SPEG: variants seen among roughly 807,000 people sequenced by gnomAD.
SPEG encodes the protein striated muscle preferentially expressed protein kinase.
SPEG carries 114 observed loss-of-function variants against 300.4 expected under a neutral mutation model. The ratio of observed to expected loss-of-function variants is 0.38; its 90% CI spans 0.33 to 0.44. The LOEUF (loss-of-function observed/expected upper bound fraction) is 0.44. Ranked by LOEUF, SPEG falls within the 20% of genes least tolerant of loss-of-function variation. The pLI is 1.00. For missense variants in SPEG, 4,201 were observed against 4,586.2 expected (o/e 0.92, Z 2.43); for synonymous variants, 1,964 against 2,018.9 (o/e 0.97, Z 0.73).
intron 28 of SPEG, chr2:219,482,415 T>A (rs1485037299): frequency 1.3e-5 from 3 of 228,732 alleles, no homozygotes; most frequent in Non-Finnish European, 1.7e-5. Context: ...TGGCCCTACA[T>A]GGAGACAGAG....
rs530210298 is a variant in SPEG at position 219,472,042 on chromosome 2, C to T, written c.3835+55C>T. The T allele has an allele frequency of 1.4e-4, 229 of 1,597,756 alleles. 7 individuals are homozygous for T. In the South Asian group the frequency reaches 2.1e-3, roughly 15 times the overall value. On this transcript the variant is annotated intron_variant, in intron 14 of 40. Coordinates refer to ENST00000312358, the MANE Select transcript of SPEG (RefSeq NM_005876.5). The stretch of plus-strand genomic sequence containing the variant: ...ACGCACAGCCTGGCCTCTGGCACTA[C>T]GTGGGGGCTCAGGGAAAGGGGCCTC...
rs186290441 is a variant in SPEG at position 219,493,432 on chromosome 2, C to A, written c.*646C>A. The A allele has an allele frequency of 1.2e-5, 5 of 408,420 alleles. No homozygotes were observed. Among genetic ancestry groups the A allele is most frequent in the African/African-American group, 2.0e-5 (1 of 49,160 alleles). 25.3% of individuals were successfully genotyped at this position (408,420 alleles called of 1,614,324 possible). On this transcript the variant is annotated 3_prime_UTR_variant, in exon 41 of 41. Coordinates refer to ENST00000312358, the MANE Select transcript of SPEG (RefSeq NM_005876.5). ...CCTGTCCAGTGGATACAGCCCTGGG[C>A]GCTCTGCTGGCCCAAGGATGTCCCC...
intron 6 of SPEG, chr2:219,461,630 C>A: frequency 1.1e-6 from 1 of 940,468 alleles, no homozygotes; most frequent in Non-Finnish European, 1.5e-6. Context: ...TTGCCCCAGG[C>A]CTTTCCCTAT....
At chr2:219,453,611 A>G (rs1449769273) in intron 6 of SPEG, among the ~76,000 whole-genome samples, 1 of 152,160 alleles carries the variant, frequency 6.6e-6, no homozygotes, top group Admixed American at 6.5e-5. Context: ...AGCTCATCAC[A>G]GCATCTCGGC....
At chr2:219,467,642 C>T (rs1477615622) in intron 10 of SPEG, among the ~76,000 whole-genome samples, 1 of 152,238 alleles carries the variant, frequency 6.6e-6, no homozygotes, top group Non-Finnish European at 1.5e-5. Flanking sequence ...ACAGGGTTAA[C>T]TGTTCCTAGG....
chr2:219,461,892 A>G lies in SPEG; in HGVS notation c.2451A>G (p.Thr817=). Residue 817 remains threonine (T), a synonymous_variant, in exon 7 of 41, where the codon ACA becomes ACG. Transcript: ENST00000312358. ...TCTGTCTCTCTCCAGGTGGGTCTAC[A>G]TCCCCTTTCAGCAGCCCCATCACCT... The part of the protein sequence containing the change: ...ASLTVRPGGS[T]SPFSSPITSD... 6.2e-7 allele frequency: 1 copy of G among 1,613,750 alleles called. No homozygotes were observed. The highest frequency in any genetic ancestry group is 8.5e-7 in the Non-Finnish European group (1 of 1,179,852).
chr2:219,462,184 C>A, intron 7 of SPEG, 114 bp from the exon 8 acceptor site: 2 of 1,201,684 alleles, frequency 1.7e-6, no homozygotes, highest in African/African-American at 3.0e-5. Flanking sequence ...AACCCTCTTA[C>A]CCAGAGCCAG....
rs377353278 is a variant in SPEG at position 219,467,200 on chromosome 2, G to A, written c.2908G>A (p.Val970Met). The A allele has an allele frequency of 2.3e-5, 37 of 1,589,522 alleles. No homozygotes were observed. Among genetic ancestry groups the A allele is most frequent in the African/African-American group, 4.0e-5 (3 of 74,708 alleles). The change falls in exon 10 of 41, where the codon GTG (valine) becomes ATG (methionine). Residue 970 changes from valine to methionine, a missense_variant. Transcript: ENST00000312358. ...RAHPESRSLA[V>M]LAPLQDVDVG... is the part of the protein sequence containing the mutation. ...ACACCCTGAAAGCCGGTCCCTGGCC[G>A]TGCTGGCCCCCCTGCAGGACGTGGA...
rs1352229233 is a variant in SPEG, at chr2:219,448,872, A to T, written c.1714A>T (p.Arg572Trp). The T allele has an allele frequency of 4.0e-5, 56 of 1,406,858 alleles. No homozygotes were observed. The East Asian group carries it at 1.6e-3, about 41-fold the overall frequency. The allele number at this position is 1,406,858 out of a possible 1,614,324, so 87.1% of individuals were successfully genotyped here. The change falls in exon 4 of 41, where the codon AGG becomes TGG. Residue 572 changes from arginine (R) to tryptophan (W), a missense_variant. Arg to Trp is a moderately radical substitution (Grantham distance 101, BLOSUM62 -3). Around this residue, in one of 4 missense-constraint regions of SPEG, gnomAD observed 1,258 missense variants for 1,293.9 expected, o/e 0.97. Coordinates refer to ENST00000312358, the MANE Select transcript of SPEG (RefSeq NM_005876.5). Reference protein sequence around the residue: ...EKPGDEPGRPRSRGPAGRTEP... With the variant: ...EKPGDEPGRPWSRGPAGRTEP... The stretch of plus-strand genomic sequence containing the variant: ...GCCGGGGGACGAGCCTGGGAGGCCC[A>T]GGAGCCGCGGGCCGGCGGGCAGGAC...
At chr2:219,442,229 C>T (rs958312150) in intron 1 of SPEG, 25 of 454,410 alleles carry the variant, frequency 5.5e-5, no homozygotes, top group Non-Finnish European at 7.5e-5. Flanking sequence ...GGGCGGCGGG[C>T]CGGGCGCGAT....
intron 12 of SPEG, 47 bp from the exon 13 acceptor site, chr2:219,469,109 G>T (rs1691644222): frequency 6.2e-7 from 1 of 1,609,054 alleles, no homozygotes; most frequent in Non-Finnish European, 8.5e-7. Context: ...CAGCCCTGGG[G>T]TGGGAGGCAC....
rs78698533 is a variant in SPEG at position 219,484,367 on chromosome 2, G to A, written c.6904G>A (p.Val2302Met). 11 of 1,607,170 alleles carry A rather than the reference G, an allele frequency of 6.8e-6. No individual in the cohort carries two copies. Among genetic ancestry groups the A allele is most frequent in the Non-Finnish European group, 9.3e-6 (11 of 1,179,286 alleles). The change falls in exon 30 of 41, where the codon GTG becomes ATG. Residue 2302 changes from valine (V) to methionine (M), a missense_variant. This residue lies in a region of SPEG where 1,578 missense variants were observed against 1,506.0 expected (regional missense o/e 1.05). Coordinates refer to ENST00000312358, the MANE Select transcript of SPEG (RefSeq NM_005876.5). The stretch of plus-strand genomic sequence containing the variant: ...CGTGCCCTCAGCCGGGGGTCCCCCG[G>A]TGCTAGCCGAGAAAGCCCGAGTTCC... ...KRVPSAGGPP[V>M]LAEKARVPTV...
chr2:219,453,743 C>T (rs889127510), intron 6 of SPEG, among the ~76,000 whole-genome samples: 27 of 152,206 alleles, frequency 1.8e-4, no homozygotes, highest in African/African-American at 6.0e-4. Flanking sequence ...GGGGGGCAGG[C>T]ATGTGGGTCC....
rs1032747869 is a variant in SPEG at position 219,462,337 on chromosome 2, G to A, written c.2656G>A (p.Val886Ile). The A allele has an allele frequency of 6.4e-7, 1 of 1,569,860 alleles. No homozygotes were observed. The highest frequency in any genetic ancestry group is 8.6e-7 in the Non-Finnish European group (1 of 1,156,284). The part of the protein sequence containing the change: ...MDQSVREGQD[V>I]IMSIRVQGEP... ...CCAGTCAGTAAGAGAAGGCCAAGAT[G>A]TCATCATGAGCATCCGCGTGCAGGG... The change falls in exon 8 of 41, where the codon GTC becomes ATC. Residue 886 changes from valine to isoleucine, a missense_variant. This residue lies in a region of SPEG where 1,047 missense variants were observed against 1,356.8 expected (regional missense o/e 0.77). Coordinates refer to ENST00000312358, the MANE Select transcript of SPEG (RefSeq NM_005876.5).
Position 219,464,532 on chromosome 2 carries a change from C to T in SPEG, c.2805C>T (p.Gly935=), listed in dbSNP as rs761185352. The T allele has an allele frequency of 1.5e-5, 25 of 1,614,096 alleles. No homozygotes were observed. The highest frequency in any genetic ancestry group is 3.3e-5 in the Admixed American group (2 of 60,016). The change falls in exon 9 of 41, where the codon GGC becomes GGT. Residue 935 remains glycine, a synonymous_variant. Coordinates refer to ENST00000312358, the MANE Select transcript of SPEG (RefSeq NM_005876.5). The surrounding 1 kb of genome is among the most constrained non-coding windows in gnomAD (Gnocchi z 4.5). ...CRLRILAAER[G]DAGFYTCKAV... is the part of the protein sequence containing the mutation. ...TGCGGATCCTGGCTGCAGAGCGTGG[C>T]GATGCTGGTTTCTACACTTGCAAAG...
At position 219,479,091 on chromosome 2, in the gene SPEG, G is replaced by A. The variant is rs1692596968; in HGVS notation, c.5028-53G>A. ...GAGCTGGGACCTGCCCTGAGCGCTG[G>A]GCTGGGCCGGGCAGTTGGCACTGGG... On this transcript the variant is annotated intron_variant, in intron 22 of 40. Coordinates refer to ENST00000312358, the MANE Select transcript of SPEG (RefSeq NM_005876.5). The surrounding 1 kb of genome is among the most constrained non-coding windows in gnomAD (Gnocchi z 5.5). 2 of 1,548,876 alleles carry A rather than the reference G, an allele frequency of 1.3e-6. No homozygotes were observed. Among genetic ancestry groups the A allele is most frequent in the African/African-American group, 2.7e-5 (2 of 73,832 alleles).
At chr2:219,492,336 C>T (rs1246091473) in intron 40 of SPEG, 76 bp downstream of exon 40, 1 of 1,482,746 alleles carries the variant, frequency 6.7e-7, no homozygotes, top group Non-Finnish European at 9.2e-7. Flanking sequence ...TCTCCCAGCT[C>T]CTCCCCTGCT....
In SPEG at chr2:219,449,153, G is replaced by C. The variant is rs1395115234; in HGVS notation, c.1995G>C (p.Glu665Asp). ...QTLEKNRAGP[E>D]AEKRLRRGPE... ...TGGAGAAGAACAGGGCGGGGCCTGA[G>C]GCAGAGAAGAGGCTTCGCAGAGGGC... is the stretch of plus-strand genomic sequence containing the variant. The change falls in exon 4 of 41, where the codon GAG becomes GAC. Residue 665 changes from glutamate to aspartate, a missense_variant. This residue lies in a region of SPEG where 1,258 missense variants were observed against 1,293.9 expected (regional missense o/e 0.97). Coordinates refer to ENST00000312358, the MANE Select transcript of SPEG (RefSeq NM_005876.5). 7.0e-7 allele frequency: 1 copy of C among 1,425,096 alleles called. No homozygotes were observed. Among genetic ancestry groups the C allele is most frequent in the African/African-American group, 1.5e-5 (1 of 66,170 alleles). The allele number at this position is 1,425,096 out of a possible 1,614,324, so 88.3% of individuals were successfully genotyped here. A position where few individuals can be genotyped will look rare whatever the true frequency, so the allele number is the denominator to read the frequency against.
At chr2:219,446,166 G>A (rs988977620) in intron 3 of SPEG, among the ~76,000 whole-genome samples, 1 of 152,070 alleles carries the variant, frequency 6.6e-6, no homozygotes, top group African/African-American at 2.4e-5. Flanking sequence ...GGCCAGGGCT[G>A]GGCCACGGCC....
Sources: gnomAD v4.1 joint callset for allele counts (sites outside exome capture counted in the v4.1 genomes callset) on GRCh38, gnomAD v4.1.1 for gene constraint, gnomAD v4.1.1 regional missense constraint, Gnocchi (gnomAD v3.1) non-coding constraint, MANE v1.5 for transcripts, NCBI Gene and HGNC (gene_info 2026-07-23, HGNC 2026-07-21) for gene names.